The following RIMS2 variants were observed in gnomAD, a reference collection of about 807,000 sequenced individuals.
RIMS2 encodes the protein regulating synaptic membrane exocytosis 2.
RIMS2 carries 59 observed loss-of-function variants against 174.4 expected under a neutral mutation model. The ratio of observed to expected loss-of-function variants is 0.34; its 90% CI spans 0.27 to 0.42. The LOEUF is 0.42. Ranked by LOEUF, RIMS2 falls within the 10% of genes least tolerant of loss-of-function variation. The pLI is 1.00. For missense variants in RIMS2, 1,620 were observed against 1,666.3 expected (o/e 0.97, Z 0.48); for synonymous variants, 606 against 572.5 (o/e 1.06, Z -0.84).
rs371683056 is a variant in RIMS2, at chr8:103,917,166, G to C, written c.2036+629G>C. On this transcript the variant is annotated intron_variant, in intron 8 of 23. Coordinates refer to ENST00000504942, the Ensembl canonical transcript of RIMS2. The stretch of plus-strand genomic sequence containing the variant: ...AGGTAAAATATATACCTATATCAGA[G>C]TAAAAGCAACAGAAAAATACTACTG... Among the ~76,000 whole-genome samples the C allele has an allele frequency of 2.6e-4, 40 of 152,236 alleles. No individual in the cohort carries two copies. The East Asian group carries it at 3.1e-3, about 12-fold the overall frequency.
intron 2 of RIMS2, among the ~76,000 whole-genome samples, chr8:103,701,758 C>T (rs547855921): frequency 6.6e-6 from 1 of 152,114 alleles, no homozygotes; most frequent in South Asian, 2.1e-4. Flanking sequence ...CTGCAAATGA[C>T]AGAATTTTAT....
At chr8:103,561,885 G>A (rs997383716) in intron 1 of RIMS2, among the ~76,000 whole-genome samples, 17 of 152,176 alleles carry the variant, frequency 1.1e-4, no homozygotes, top group African/African-American at 1.9e-4. Flanking sequence ...CAATCATGGC[G>A]GAAGGCAAGG....
intron 12 of RIMS2, among the ~76,000 whole-genome samples, chr8:103,934,776 C>T (rs2154534583): frequency 6.6e-6 from 1 of 151,680 alleles, no homozygotes; most frequent in Admixed American, 6.6e-5. Context: ...CGGCTCACTG[C>T]AACCTCCACC....
At chr8:104,164,190 T>A (rs62508103) in intron 19 of RIMS2, among the ~76,000 whole-genome samples, 1 of 6,758 alleles carries the variant, frequency 1.5e-4, no homozygotes, top group African/African-American at 2.1e-3. Flanking sequence ...GGAATTATCT[T>A]TCCTGTGTGA....
chr8:104,008,913 C>T (rs576395210), intron 17 of RIMS2, among the ~76,000 whole-genome samples: 11 of 152,058 alleles, frequency 7.2e-5, no homozygotes, highest in Non-Finnish European at 1.5e-4. Context: ...TAATCTTCCT[C>T]CAAAATAATA....
intron 3 of RIMS2, among the ~76,000 whole-genome samples, chr8:103,772,640 T>C (rs1292785377): frequency 6.6e-6 from 1 of 152,106 alleles, no homozygotes; most frequent in African/African-American, 2.4e-5. Context: ...TAGAAATGTT[T>C]GAAATAACCA....
At chr8:103,667,515 T>C (rs2096686530) in intron 1 of RIMS2, among the ~76,000 whole-genome samples, 1 of 152,212 alleles carries the variant, frequency 6.6e-6, no homozygotes, top group Non-Finnish European at 1.5e-5. Context: ...TCTGACATTA[T>C]GAAGCAACAA....
intron 19 of RIMS2, 22 bp from the exon 26 acceptor site, chr8:104,244,894 C>G (rs2099322106): frequency 1.2e-6 from 2 of 1,606,218 alleles, no homozygotes; most frequent in Non-Finnish European, 1.7e-6. Context: ...AGCTGTTACA[C>G]TTTTTGTTTC....
At chr8:103,624,484 C>A (rs531067659) in intron 1 of RIMS2, among the ~76,000 whole-genome samples, 1 of 152,264 alleles carries the variant, frequency 6.6e-6, no homozygotes, top group South Asian at 2.1e-4. Context: ...TCTTAGCCTC[C>A]ATAATCATGT....
intron 19 of RIMS2, among the ~76,000 whole-genome samples, chr8:104,214,547 A>G (rs1382751124): frequency 6.6e-6 from 1 of 152,104 alleles, no homozygotes; most frequent in African/African-American, 2.4e-5. Context: ...GCCTGGGTTC[A>G]AGTGATTCTC....
intron 2 of RIMS2, among the ~76,000 whole-genome samples, chr8:103,737,699 A>G (rs1014290428): frequency 6.6e-6 from 1 of 152,082 alleles, no homozygotes; most frequent in Non-Finnish European, 1.5e-5. Flanking sequence ...CCCCTCAGGT[A>G]TTTCTGTTCC....
intron 1 of RIMS2, among the ~76,000 whole-genome samples, chr8:103,636,803 C>CCCA (rs1322508776): frequency 1.3e-5 from 1 of 74,178 alleles, no homozygotes; most frequent in African/African-American, 6.0e-5. Context: ...CCCCCCCCCA[C>CCCA]ACACACACAC....
chr8:103,607,093 G>A (rs2095134096), intron 1 of RIMS2, among the ~76,000 whole-genome samples: 1 of 151,980 alleles, frequency 6.6e-6, no homozygotes, highest in Non-Finnish European at 1.5e-5. Context: ...TTTCTTCCTA[G>A]TCTCGATGGT....
chr8:103,844,584 C>A (rs1418843835), intron 3 of RIMS2, among the ~76,000 whole-genome samples: 6 of 152,144 alleles, frequency 3.9e-5, no homozygotes, highest in African/African-American at 7.2e-5. Flanking sequence ...TTTGATAATG[C>A]CATTGGCTCT....
exon 22 of RIMS2, chr8:104,249,582 C>A (rs2099352242): frequency 1.3e-6 from 2 of 1,569,214 alleles, no homozygotes; most frequent in East Asian, 4.5e-5. Flanking sequence ...TTCCAAGACA[C>A]TGCCAGGTAA....
At chr8:103,716,524 T>A (rs1456023191) in intron 2 of RIMS2, among the ~76,000 whole-genome samples, 1 of 152,044 alleles carries the variant, frequency 6.6e-6, no homozygotes, top group Non-Finnish European at 1.5e-5. Flanking sequence ...ACACTTCATA[T>A]ATTATAGATG....
intron 3 of RIMS2, among the ~76,000 whole-genome samples, chr8:103,838,714 C>T (rs78926612): frequency 0.12 from 18,894 of 152,086 alleles, 1,274 homozygotes; most frequent in Middle Eastern, 0.23. Context: ...TACTGTTAAT[C>T]ATGTGCAGTA....
At chr8:103,631,073 C>T (rs2095906947) in intron 1 of RIMS2, among the ~76,000 whole-genome samples, 1 of 152,114 alleles carries the variant, frequency 6.6e-6, no homozygotes, top group Admixed American at 6.5e-5. Context: ...TGTAGGTTGT[C>T]TGTTTACTCT....
chr8:103,632,185 G>T (rs1399024117), intron 1 of RIMS2, among the ~76,000 whole-genome samples: 2 of 152,052 alleles, frequency 1.3e-5, no homozygotes, highest in African/African-American at 4.8e-5. Context: ...GTGAGAGAGG[G>T]CATCCTTGTC....
Sources: gnomAD v4.1 joint callset for allele counts (sites outside exome capture counted in the v4.1 genomes callset) on GRCh38, gnomAD v4.1.1 for gene constraint, MANE v1.5 for transcripts, NCBI Gene and HGNC (gene_info 2026-07-23, HGNC 2026-07-21) for gene names.